Variants in MRPL33 observed in about 807,000 individuals in gnomAD.
MRPL33 encodes the protein large ribosomal subunit protein bL33m.
MRPL33 carries 5 observed loss-of-function variants against 10.1 expected under a neutral mutation model. The observed-to-expected ratio is 0.49, with a 90% CI of 0.26 to 1.04. The LOEUF (loss-of-function observed/expected upper bound fraction) is 1.04, where lower values mean the gene tolerates loss of function less well. MRPL33 is among the 50% of genes least tolerant of loss of function. The pLI is 0.14. For missense variants in MRPL33, 79 were observed against 78.1 expected, an observed-to-expected ratio of 1.01 and a Z score of -0.04; for synonymous variants, 24 against 27.7, an observed-to-expected ratio of 0.87 and a Z score of 0.42.
At chr2:27,779,307 A>G in intron 3 of MRPL33, 126 bp from the exon 4 acceptor site, 1 of 1,203,536 alleles carries the variant, frequency 8.3e-7, no homozygotes, top group Non-Finnish European at 1.1e-6. Flanking sequence ...AATCAGCTCC[A>G]TCTTCATATC....
chr2:27,779,717 T>TA lies in MRPL33; in HGVS notation c.*241dup. 1.6e-6 allele frequency: 1 copy of TA among 628,392 alleles called. No individual in the cohort carries two copies. Among genetic ancestry groups the TA allele is most frequent in the East Asian group, 3.4e-5 (1 of 29,008 alleles). 38.9% of individuals were successfully genotyped at this position (628,392 alleles called of 1,614,324 possible). A position where few individuals can be genotyped will look rare whatever the true frequency, so the allele number is the denominator to read the frequency against. On this transcript the variant is annotated 3_prime_UTR_variant, in exon 4 of 4. Transcript: ENST00000296102. ...TTCTGGGTATTTTTATAGCCCTTAA[T>TA]AAAAAATATTAAAATAGCCTGTGCT...
rs1157047658 is a variant in MRPL33 at position 27,774,562 on chromosome 2, C to T, written c.148+32C>T. 3.9e-6 allele frequency: 6 copies of T among 1,547,094 alleles called. No individual in the cohort carries two copies. In the East Asian group the frequency reaches 1.3e-4, roughly 35 times the overall value. On this transcript the variant is annotated intron_variant, in intron 3 of 3. Transcript: ENST00000296102. ...TCTGGGGAGGTTAATGCTTCCAAGG[C>T]CTGTTGCCCCCTTTGTAGGCTGAAC... is the stretch of plus-strand genomic sequence containing the variant.
intron 3 of MRPL33, among the ~76,000 whole-genome samples, chr2:27,775,920 A>G (rs1181110471): frequency 6.6e-6 from 1 of 152,166 alleles, no homozygotes; most frequent in East Asian, 1.9e-4. Context: ...TTGGATTGAT[A>G]AGGTTTAGAA....
In MRPL33 at chr2:27,779,705, TA is replaced by T; in HGVS notation, c.*224del. 1.3e-6 allele frequency: 1 copy of T among 774,936 alleles called. No individual in the cohort carries two copies. The highest frequency in any genetic ancestry group is 1.9e-6 in the Non-Finnish European group (1 of 530,342). 48.0% of individuals were successfully genotyped at this position (774,936 alleles called of 1,614,324 possible). On this transcript the variant is annotated 3_prime_UTR_variant, in exon 4 of 4. Coordinates refer to ENST00000296102, the MANE Select transcript of MRPL33 (RefSeq NM_004891.4). The stretch of plus-strand genomic sequence containing the variant: ...ATTTATTTATCTTTCTGGGTATTTT[TA>T]TAGCCCTTAATAAAAAATATTAAAA...
intron 2 of MRPL33, among the ~76,000 whole-genome samples, chr2:27,773,742 G>A (rs1405353306): frequency 6.6e-6 from 1 of 152,210 alleles, no homozygotes; most frequent in Admixed American, 6.5e-5. Flanking sequence ...GCACTGTGCT[G>A]AATGTTGAAA....
At chr2:27,777,380 T>C (rs1394288999) in intron 3 of MRPL33, among the ~76,000 whole-genome samples, 8 of 151,118 alleles carry the variant, frequency 5.3e-5, no homozygotes, top group African/African-American at 1.9e-4. Context: ...ACTTTTTTTT[T>C]TTTTTTTTTT....
At chr2:27,772,442 A>G (rs574731363) in intron 1 of MRPL33, 2 of 449,880 alleles carry the variant, frequency 4.4e-6, no homozygotes, top group South Asian at 3.9e-5. Flanking sequence ...AAATTATGCA[A>G]AATATTAAAT....
At chr2:27,772,099 A>C (rs1442413809) in intron 1 of MRPL33, 1 of 417,130 alleles carries the variant, frequency 2.4e-6, no homozygotes, top group African/African-American at 2.1e-5. Flanking sequence ...TCTTTGTCCG[A>C]AGGACCTCAG....
Position 27,771,751 on chromosome 2 carries a change from G to A in MRPL33, c.-27G>A. Reference sequence around the variant, plus strand: ...GTTGGTTGGGGGCCTTTTGGCCGGTGACGGAGACTGCCCAGGTGTGGTCAC... The same window carrying A: ...GTTGGTTGGGGGCCTTTTGGCCGGTAACGGAGACTGCCCAGGTGTGGTCAC... On this transcript the variant is annotated 5_prime_UTR_variant, in exon 1 of 4. Transcript: ENST00000296102. 1 of 1,614,018 alleles carries A rather than the reference G, an allele frequency of 6.2e-7. No individual in the cohort carries two copies. The highest frequency in any genetic ancestry group is 2.2e-5 in the East Asian group (1 of 44,892).
At chr2:27,772,441 A>G (rs1373544718) in intron 1 of MRPL33, 2 of 450,572 alleles carry the variant, frequency 4.4e-6, no homozygotes, top group Non-Finnish European at 7.8e-6. Flanking sequence ...GAAATTATGC[A>G]AAATATTAAA....
intron 3 of MRPL33, among the ~76,000 whole-genome samples, chr2:27,778,438 GGT>G (rs367624835): frequency 1.1e-4 from 17 of 150,716 alleles, no homozygotes; most frequent in African/African-American, 2.2e-4. Flanking sequence ...AATAGGTAGG[GGT>G]GTGTGTGTGT....
intron 2 of MRPL33, chr2:27,772,912 T>G: frequency 1.9e-6 from 1 of 526,476 alleles, no homozygotes. Flanking sequence ...TTGAAATACT[T>G]GAAGGAACCT....
Position 27,771,769 on chromosome 2 carries a change from G to A in MRPL33, c.-9G>A. 3 of 1,614,194 alleles carry A rather than the reference G, an allele frequency of 1.9e-6. No individual in the cohort carries two copies. The highest frequency in any genetic ancestry group is 2.5e-6 in the Non-Finnish European group (3 of 1,180,026). On this transcript the variant is annotated 5_prime_UTR_variant, in exon 1 of 4. It adds an upstream start codon to the 5' untranslated region. Transcript: ENST00000296102. ...GGCCGGTGACGGAGACTGCCCAGGT[G>A]TGGTCACCATGTTCCTCTCCGCGGT...
intron 3 of MRPL33, 21 bp from the exon 4 acceptor site, chr2:27,779,411 AT>A (rs753077987): frequency 6.4e-5 from 100 of 1,568,868 alleles, no homozygotes; most frequent in Admixed American, 2.4e-4. Flanking sequence ...TTCTGCCACA[AT>A]TTTTTTTTCT....
chr2:27,776,306 G>T (rs994458677), intron 3 of MRPL33, among the ~76,000 whole-genome samples: 4 of 152,272 alleles, frequency 2.6e-5, no homozygotes, highest in African/African-American at 9.6e-5. Context: ...CCTGCTGAAT[G>T]CCCTGCACGT....
intron 3 of MRPL33, among the ~76,000 whole-genome samples, chr2:27,776,963 C>G (rs1270138242): frequency 6.6e-6 from 1 of 152,182 alleles, no homozygotes; most frequent in African/African-American, 2.4e-5. Flanking sequence ...AGAAATTTTC[C>G]CAGGGATTCA....
Sources: allele counts gnomAD v4.1 joint callset (sites outside exome capture counted in the v4.1 genomes callset), GRCh38; gene constraint gnomAD v4.1.1; transcripts MANE v1.5; gene names NCBI Gene and HGNC (gene_info 2026-07-23, HGNC 2026-07-21).